The following MTMR9 variants were observed in gnomAD, a reference collection of about 807,000 sequenced individuals.
MTMR9 encodes the protein myotubularin related protein 9.
Under a neutral mutation model 69.5 loss-of-function variants are expected in MTMR9, and 39 were observed. That is an observed-to-expected ratio of 0.56 (90% CI 0.43 to 0.73). The LOEUF (loss-of-function observed/expected upper bound fraction) is 0.73, where lower values mean the gene tolerates loss of function less well. MTMR9 is among the 30% of genes least tolerant of loss of function. The probability of loss-of-function intolerance (pLI) is 0.00; values close to 1 mark genes in which losing one functional copy is unlikely to be tolerated. For synonymous variants in MTMR9, 354 were observed against 240.8 expected (o/e 1.47, Z -4.35); for missense variants, 900 against 671.2 (o/e 1.34, Z -3.77).
chr8:11,330,883 C>G, downstream of MTMR9: 2 of 947,260 alleles, frequency 2.1e-6, no homozygotes, highest in Middle Eastern at 3.4e-4. Context: ...GCCAAATCCC[C>G]CTCTGCGAGA....
chr8:11,300,231 A>G, intron 3 of MTMR9, 83 bp downstream of exon 3: 2 of 1,487,128 alleles, frequency 1.3e-6, no homozygotes, highest in Non-Finnish European at 9.2e-7. Flanking sequence ...CTTCTTTTGA[A>G]GAGTAATAAG....
chr8:11,321,381 G>A (rs1190149372), intron 9 of MTMR9: 1 of 456,252 alleles, frequency 2.2e-6, no homozygotes, highest in Admixed American at 2.3e-5. Flanking sequence ...CTGGGACAAT[G>A]TACTTAAAGC....
the MTMR9 span, among the ~76,000 whole-genome samples, chr8:11,338,704 A>G: frequency 6.6e-6 from 1 of 152,246 alleles, no homozygotes; most frequent in Non-Finnish European, 1.5e-5. Context: ...GGCTGACGTC[A>G]GCTGGCACGA....
At chr8:11,295,437 C>T (rs1463643271) in intron 2 of MTMR9, 135 bp downstream of exon 2, 41 of 643,614 alleles carry the variant, frequency 6.4e-5, no homozygotes, top group Non-Finnish European at 1.1e-4. Context: ...AAAAGCCTCA[C>T]CCTGGTTCAT....
chr8:11,310,306 T>C (rs1800145192), intron 6 of MTMR9, among the ~76,000 whole-genome samples: 1 of 152,218 alleles, frequency 6.6e-6, no homozygotes, highest in African/African-American at 2.4e-5. Context: ...GCAGAAGGAT[T>C]GGCACAAATT....
intron 6 of MTMR9, among the ~76,000 whole-genome samples, chr8:11,311,200 T>C (rs1800183992): frequency 6.6e-6 from 1 of 152,248 alleles, no homozygotes; most frequent in Non-Finnish European, 1.5e-5. Context: ...ATCCTGAGAA[T>C]GGGGTTAGCC....
At chr8:11,331,831 A>G (rs768862400), downstream of MTMR9, 1 of 1,611,870 alleles carries the variant, frequency 6.2e-7, no homozygotes, top group South Asian at 1.1e-5. Flanking sequence ...TTTGTGCTGC[A>G]GACCCCCGTG....
intron 6 of MTMR9, among the ~76,000 whole-genome samples, chr8:11,311,105 C>T (rs1162144877): frequency 6.6e-6 from 1 of 152,088 alleles, no homozygotes; most frequent in Non-Finnish European, 1.5e-5. Flanking sequence ...TTCAGAATAT[C>T]CCACAGATAA....
At chr8:11,288,299 T>C (rs1393860768) in intron 1 of MTMR9, among the ~76,000 whole-genome samples, 2 of 139,604 alleles carry the variant, frequency 1.4e-5, no homozygotes, top group Non-Finnish European at 3.0e-5. Flanking sequence ...ATATAATATA[T>C]ATTATAATAT....
At chr8:11,302,997 A>G (rs545606163) in intron 3 of MTMR9, among the ~76,000 whole-genome samples, 21 of 152,064 alleles carry the variant, frequency 1.4e-4, no homozygotes, top group African/African-American at 4.8e-4. Flanking sequence ...CAATATACTC[A>G]TGGATAGAGA....
chr8:11,314,916 C>T lies in MTMR9; in HGVS notation c.972-7C>T, dbSNP rs745309510. On this transcript the variant is annotated splice_polypyrimidine_tract_variant and splice_region_variant and intron_variant, in intron 6 of 9. Transcript: ENST00000221086. ...CCATTTGTACTCTTCCCTGATTTTCCTATCAGGGAAGGAGCATCAATATTG... is the reference window on the plus strand; with the variant it reads ...CCATTTGTACTCTTCCCTGATTTTCTTATCAGGGAAGGAGCATCAATATTG... The T allele has an allele frequency of 6.2e-7, 1 of 1,612,144 alleles. No homozygotes were observed. Among genetic ancestry groups the T allele is most frequent in the East Asian group, 2.2e-5 (1 of 44,856 alleles).
chr8:11,322,821 T>C lies in MTMR9; in HGVS notation c.*33T>C, dbSNP rs767778252. ...CCTCGCACCCTTCGCAAGGACCTTC[T>C]TGGGCCTGTGTCCGCCGTTCTCTCC... is the stretch of plus-strand genomic sequence containing the variant. On this transcript the variant is annotated 3_prime_UTR_variant, in exon 10 of 10. Transcript: ENST00000221086. 4 of 1,591,232 alleles carry C rather than the reference T, an allele frequency of 2.5e-6. No individual in the cohort carries two copies. The Admixed American group carries it at 7.1e-5, about 28-fold the overall frequency.
rs199755063 is a variant in MTMR9 at position 11,299,983 on chromosome 8, G to A, written c.292-40G>A. 2.6e-4 allele frequency: 416 copies of A among 1,596,244 alleles called. 1 individual carries two copies. Among genetic ancestry groups the A allele is most frequent in the South Asian group, 1.5e-3 (128 of 88,016 alleles). On this transcript the variant is annotated intron_variant, in intron 2 of 9. Transcript: ENST00000221086. ...TCAGTTAGAATATGTTTCCAGTTGTGGATGTTTCTTTTTTGTCTTTCTTTT... is the reference window on the plus strand; with the variant it reads ...TCAGTTAGAATATGTTTCCAGTTGTAGATGTTTCTTTTTTGTCTTTCTTTT...
Position 11,284,938 on chromosome 8 carries a change from T to G in MTMR9, c.50T>G (p.Leu17Arg), listed in dbSNP as rs1196771659. 5 of 1,613,928 alleles carry G rather than the reference T, an allele frequency of 3.1e-6. No homozygotes were observed. The highest frequency in any genetic ancestry group is 4.2e-6 in the Non-Finnish European group (5 of 1,179,926). ...IKTPRVDNVVLHRPFYPAVEG... is the reference protein window; with the variant it reads ...IKTPRVDNVVRHRPFYPAVEG... ...ACCCCGCGGGTGGACAATGTGGTGC[T>G]GCACCGGCCTTTCTACCCGGCTGTC... The change falls in exon 1 of 10, where the codon CTG (leucine) becomes CGG (arginine). Residue 17 changes from leucine (L) to arginine (R), a missense_variant. Leu to Arg is a moderately radical substitution (Grantham distance 102, BLOSUM62 -2). Transcript: ENST00000221086.
chr8:11,292,062 A>T (rs1799396098), intron 1 of MTMR9, among the ~76,000 whole-genome samples: 1 of 152,046 alleles, frequency 6.6e-6, no homozygotes, highest in Non-Finnish European at 1.5e-5. Flanking sequence ...TTTCTTTTCC[A>T]AGTAGTCACA....
chr8:11,298,887 C>T (rs2117382760), intron 2 of MTMR9: 1 of 985,010 alleles, frequency 1.0e-6, no homozygotes, highest in East Asian at 1.1e-4. Context: ...AATATAGGCC[C>T]ATTTGGGGCT....
At chr8:11,331,179 C>T (rs200249821), downstream of MTMR9, 223 of 1,613,600 alleles carry the variant, frequency 1.4e-4, no homozygotes, top group East Asian at 4.1e-3. Flanking sequence ...TCCACCCAGC[C>T]TCCGCTGGCA....
At chr8:11,332,833 C>T (rs1191501720), downstream of MTMR9, among the ~76,000 whole-genome samples, 2 of 152,170 alleles carry the variant, frequency 1.3e-5, no homozygotes, top group African/African-American at 2.4e-5. Flanking sequence ...AACTCCTGAC[C>T]TTGTGATCCA....
In MTMR9 at chr8:11,306,210, G is replaced by T. The variant is rs1204724560; in HGVS notation, c.612G>T (p.Gln204His). The T allele has an allele frequency of 6.2e-7, 1 of 1,613,088 alleles. No homozygotes were observed. The highest frequency in any genetic ancestry group is 2.2e-5 in the East Asian group (1 of 44,864). The stretch of plus-strand genomic sequence containing the variant: ...TCTAGGTAATTATGCGAAGTGGTCA[G>T]CCACTCACTGGTACAAACGGGAGGA... ...KNGMVIMRSG[Q>H]PLTGTNGRRC... The change falls in exon 5 of 10, where the codon CAG (glutamine) becomes CAT (histidine). Residue 204 changes from glutamine to histidine, a missense_variant. Transcript: ENST00000221086.
Sources: gnomAD v4.1 joint callset for allele counts (sites outside exome capture counted in the v4.1 genomes callset) on GRCh38, gnomAD v4.1.1 for gene constraint, MANE v1.5 for transcripts, NCBI Gene and HGNC (gene_info 2026-07-23, HGNC 2026-07-21) for gene names.